The following SYBU variants were observed in gnomAD, a reference collection of about 807,000 sequenced individuals.
The protein encoded by SYBU is GOLSYN A protein.
In SYBU, 21 loss-of-function variants were observed where a neutral mutation model predicts 35.9. The observed-to-expected ratio is 0.58, with a 90% CI of 0.41 to 0.84. The LOEUF is 0.84. SYBU is among the 40% of genes least tolerant of loss of function. The pLI is 0.00. For synonymous variants in SYBU, 319 were observed against 324.3 expected (o/e 0.98, Z 0.18); for missense variants, 768 against 848.2 (o/e 0.91, Z 1.17).
intron 3 of SYBU, chr8:109,603,359 T>C (rs556037885): frequency 1.7e-5 from 17 of 978,290 alleles, no homozygotes; most frequent in Non-Finnish European, 1.8e-5. Flanking sequence ...ATACTCACAA[T>C]TGGATTTTGC....
intron 3 of SYBU, among the ~76,000 whole-genome samples, chr8:109,587,311 C>T (rs963035231): frequency 2.6e-5 from 4 of 152,124 alleles, no homozygotes; most frequent in Non-Finnish European, 4.4e-5. Context: ...GCCCTGTTCA[C>T]GATACTTTCT....
At chr8:109,639,621 A>G (rs183671877) in intron 2 of SYBU, among the ~76,000 whole-genome samples, 2 of 152,350 alleles carry the variant, frequency 1.3e-5, no homozygotes, top group African/African-American at 2.4e-5. Context: ...TATGATGACA[A>G]TAGATCCCTT....
intron 5 of SYBU, 152 bp downstream of exon 5, chr8:109,579,647 G>A (rs1822778441): frequency 2.9e-6 from 2 of 691,722 alleles, no homozygotes; most frequent in Non-Finnish European, 4.8e-6. Context: ...AGCAGCCCTT[G>A]AGGAATGAGC....
chr8:109,589,618 C>T (rs954067531), intron 3 of SYBU, among the ~76,000 whole-genome samples: 1 of 152,184 alleles, frequency 6.6e-6, no homozygotes, highest in African/African-American at 2.4e-5. Flanking sequence ...CACTGCTGAA[C>T]TCTTTTGAGA....
At chr8:109,581,864 G>T (rs1393905181) in intron 4 of SYBU, among the ~76,000 whole-genome samples, 1 of 152,066 alleles carries the variant, frequency 6.6e-6, no homozygotes, top group Non-Finnish European at 1.5e-5. Flanking sequence ...ATTTCCTTTT[G>T]AAATCATTCA....
chr8:109,641,122 T>TC (rs1426725671), intron 2 of SYBU, among the ~76,000 whole-genome samples: 1 of 152,202 alleles, frequency 6.6e-6, no homozygotes, highest in African/African-American at 2.4e-5. Context: ...CATAAGACAG[T>TC]CACTCCTTTA....
chr8:109,679,499 T>C (rs1290394200), intron 1 of SYBU, among the ~76,000 whole-genome samples: 1 of 152,262 alleles, frequency 6.6e-6, no homozygotes, highest in Non-Finnish European at 1.5e-5. Context: ...GGTAACATCT[T>C]CCAATGTGCA....
intron 5 of SYBU, among the ~76,000 whole-genome samples, chr8:109,578,374 G>A (rs769017112): frequency 6.6e-6 from 1 of 152,168 alleles, no homozygotes; most frequent in Non-Finnish European, 1.5e-5. Context: ...CCTACAGTAT[G>A]TAGCCCATGG....
upstream of SYBU, chr8:109,645,892 TA>T (rs1441973721): frequency 6.4e-6 from 1 of 155,608 alleles, no homozygotes; most frequent in African/African-American, 2.4e-5. Flanking sequence ...ACCTCTAGGA[TA>T]GCTGTGAGGG....
chr8:109,659,768 G>A (rs1399131146), intron 1 of SYBU, among the ~76,000 whole-genome samples: 1 of 151,936 alleles, frequency 6.6e-6, no homozygotes, highest in African/African-American at 2.4e-5. Flanking sequence ...TCTGTAAATA[G>A]GCACACTTTA....
At chr8:109,668,691 G>A (rs918515984) in intron 1 of SYBU, among the ~76,000 whole-genome samples, 3 of 152,158 alleles carry the variant, frequency 2.0e-5, no homozygotes, top group Non-Finnish European at 4.4e-5. Flanking sequence ...ATTTCAGATC[G>A]TTGCTGTCAA....
Position 109,575,426 on chromosome 8 carries a change from T to A in SYBU, c.1472A>T (p.Asp491Val). 6.2e-7 allele frequency: 1 copy of A among 1,614,046 alleles called. No homozygotes were observed. The highest frequency in any genetic ancestry group is 8.5e-7 in the Non-Finnish European group (1 of 1,180,008). Residue 491 changes from aspartate (D) to valine (V), a missense_variant, in exon 7 of 7, where the codon GAC (aspartate) becomes GTC (valine). Asp to Val is a radical substitution (Grantham distance 152, BLOSUM62 -3). Coordinates refer to ENST00000276646, the MANE Select transcript of SYBU (RefSeq NM_001099754.2). ...GATGGCTGGGCTGTAGGGCACCACGTCGGTCTGAACGGCTCGCTCCACCAC... is the reference window on the plus strand; with the variant it reads ...GATGGCTGGGCTGTAGGGCACCACGACGGTCTGAACGGCTCGCTCCACCAC... ...SVVVERAVQT[D>V]VVPYSPAISE...
chr8:109,600,145 A>G (rs1825354427), intron 3 of SYBU, among the ~76,000 whole-genome samples: 1 of 152,086 alleles, frequency 6.6e-6, no homozygotes, highest in Non-Finnish European at 1.5e-5. Flanking sequence ...CAGCTCCTTG[A>G]GGGCGTGTTC....
At chr8:109,597,805 A>G (rs577474381) in intron 3 of SYBU, among the ~76,000 whole-genome samples, 2 of 152,240 alleles carry the variant, frequency 1.3e-5, no homozygotes, top group Non-Finnish European at 2.9e-5. Flanking sequence ...TTTGATTTTT[A>G]TCTAAGCATC....
rs867883000 is a variant in SYBU, at chr8:109,574,677, C to T, written c.*229G>A. On this transcript the variant is annotated 3_prime_UTR_variant, in exon 7 of 7. Transcript: ENST00000276646. ...TCAGACGACACGGCAGGGTCATGAG[C>T]ATGCTTTCTATACCCCACTGGTGGG... 96 of 420,210 alleles carry T rather than the reference C, an allele frequency of 2.3e-4. No homozygotes were observed. Among genetic ancestry groups the T allele is most frequent in the Admixed American group, 7.9e-5 (2 of 25,296 alleles). The allele number at this position is 420,210 out of a possible 1,614,324, so 26.0% of individuals were successfully genotyped here.
intron 1 of SYBU, among the ~76,000 whole-genome samples, chr8:109,689,464 A>G (rs1817594625): frequency 1.3e-5 from 2 of 152,146 alleles, no homozygotes; most frequent in Admixed American, 1.3e-4. Context: ...CTGGAACTAC[A>G]GGCACCTACT....
At chr8:109,638,052 C>T (rs1289681869) in intron 2 of SYBU, among the ~76,000 whole-genome samples, 2 of 152,112 alleles carry the variant, frequency 1.3e-5, no homozygotes, top group African/African-American at 4.8e-5. Context: ...TGTGTGTGCA[C>T]ATTAGAAACA....
At chr8:109,670,646 T>C (rs1212466829) in intron 1 of SYBU, among the ~76,000 whole-genome samples, 1 of 152,152 alleles carries the variant, frequency 6.6e-6, no homozygotes, top group Non-Finnish European at 1.5e-5. Flanking sequence ...GTCATTCACT[T>C]CTATAATTTA....
intron 3 of SYBU, among the ~76,000 whole-genome samples, chr8:109,617,984 T>C (rs1811999049): frequency 1.3e-5 from 2 of 152,346 alleles, no homozygotes; most frequent in African/African-American, 4.8e-5. Flanking sequence ...AAACCATCTG[T>C]AGCTCCTTGC....
Sources: allele counts gnomAD v4.1 joint callset (sites outside exome capture counted in the v4.1 genomes callset), GRCh38; gene constraint gnomAD v4.1.1; transcripts MANE v1.5; gene names NCBI Gene and HGNC (gene_info 2026-07-23, HGNC 2026-07-21).